CA12: variants seen among roughly 807,000 people sequenced by gnomAD.
The protein encoded by CA12 is carbonic anhydrase 12.
A neutral mutation model predicts 46.8 loss-of-function variants in CA12; 36 were observed. That is an observed-to-expected ratio of 0.77 (90% confidence interval 0.59 to 1.02). The LOEUF (loss-of-function observed/expected upper bound fraction) is 1.02. Among genes scored for constraint, CA12 ranks in the 50% least tolerant of loss-of-function variants. CA12 has a pLI of 0.00. For missense variants in CA12, 436 were observed against 451.4 expected, an observed-to-expected ratio of 0.97 and a Z score of 0.31; for synonymous variants, 202 against 187.0, an observed-to-expected ratio of 1.08 and a Z score of -0.65.
In CA12 at chr15:63,325,814, G is replaced by C. The variant is rs939320638; in HGVS notation, c.*471C>G. ...TGTCATAGCAGAAGGAAATCAGAGG[G>C]AGATGCCCCGTCTCCAGAGGAAAGA... On this transcript the variant is annotated 3_prime_UTR_variant, in exon 11 of 11. Transcript: ENST00000178638. This position sits in a 1 kb window ranked among gnomAD's most constrained non-coding sequence, Gnocchi z 4.9. 4.7e-6 allele frequency: 1 copy of C among 214,478 alleles called. No individual in the cohort carries two copies. Among genetic ancestry groups the C allele is most frequent in the African/African-American group, 2.3e-5 (1 of 44,290 alleles). 13.3% of individuals were successfully genotyped at this position (214,478 alleles called of 1,614,324 possible). A position where few individuals can be genotyped will look rare whatever the true frequency, so the allele number is the denominator to read the frequency against.
intron 3 of CA12, among the ~76,000 whole-genome samples, 158 bp downstream of exon 3, chr15:63,346,372 A>G (rs1235562687): frequency 6.6e-6 from 1 of 152,064 alleles, no homozygotes; most frequent in African/African-American, 2.4e-5. Context: ...TCCCCTGGAG[A>G]GAGTGCTCCT....
At chr15:63,377,287 C>T (rs939558454) in intron 1 of CA12, among the ~76,000 whole-genome samples, 1 of 152,072 alleles carries the variant, frequency 6.6e-6, no homozygotes, top group African/African-American at 2.4e-5. Context: ...CCCAGGGTCT[C>T]CGTGGTTCTC....
chr15:63,362,488 C>T (rs2039376184), intron 2 of CA12, among the ~76,000 whole-genome samples: 1 of 152,164 alleles, frequency 6.6e-6, no homozygotes, highest in South Asian at 2.1e-4. Flanking sequence ...GAGACGTGAC[C>T]AGCAGATAAG....
intron 2 of CA12, among the ~76,000 whole-genome samples, chr15:63,361,229 G>A (rs1388693466): frequency 1.3e-5 from 2 of 152,266 alleles, no homozygotes; most frequent in African/African-American, 2.4e-5. Context: ...CTGCTGCTTC[G>A]AGGTGAGATG....
At position 63,321,831 on chromosome 15, in the gene CA12, C is replaced by T. The variant is rs1448042179; in HGVS notation, c.*4454G>A. Reference sequence around the variant, plus strand: ...CCGACCGCGGGGACCTGGGGCACAGCCGGGCCCACTGCGGCGAGGCGAGGA... The same window carrying T: ...CCGACCGCGGGGACCTGGGGCACAGTCGGGCCCACTGCGGCGAGGCGAGGA... On this transcript the variant is annotated 3_prime_UTR_variant, in exon 11 of 11. Transcript: ENST00000178638. The surrounding 1 kb of genome is among the most constrained non-coding windows in gnomAD (Gnocchi z 4.5). 6.6e-6 allele frequency: 1 copy of T among 152,336 alleles called. No individual in the cohort carries two copies. Among genetic ancestry groups the T allele is most frequent in the Non-Finnish European group, 1.5e-5 (1 of 68,098 alleles). 9.4% of individuals were successfully genotyped at this position (152,336 alleles called of 1,614,324 possible).
Position 63,348,134 on chromosome 15 carries a change from G to A in CA12, c.107-1425C>T, listed in dbSNP as rs775391893. Among the ~76,000 whole-genome samples the A allele has an allele frequency of 3.9e-5, 6 of 152,138 alleles. No individual in the cohort carries two copies. Among genetic ancestry groups the A allele is most frequent in the Non-Finnish European group, 4.4e-5 (3 of 68,038 alleles). On this transcript the variant is annotated intron_variant, in intron 2 of 10. Transcript: ENST00000178638. The surrounding 1 kb of genome is among the most constrained non-coding windows in gnomAD (Gnocchi z 4.6). ...ACTTCTAGGTCCGGACACACACATC[G>A]GAACCCTACTGATTTTTCAGGCTGT...
At position 63,329,895 on chromosome 15, in the gene CA12, C is replaced by T. The variant is rs143795614; in HGVS notation, c.875-1765G>A. Reference sequence around the variant, plus strand: ...AGGAGCCATCAGCCGTGTGCTTTTCCGATTGTCTTTTTCTGCAATCTCACA... The same window carrying T: ...AGGAGCCATCAGCCGTGTGCTTTTCTGATTGTCTTTTTCTGCAATCTCACA... On this transcript the variant is annotated intron_variant, in intron 8 of 10. Transcript: ENST00000178638. This position sits in a 1 kb window ranked among gnomAD's most constrained non-coding sequence, Gnocchi z 4.8. Among the ~76,000 whole-genome samples, 26 of 152,312 alleles carry T rather than the reference C, an allele frequency of 1.7e-4. No homozygotes were observed. Among genetic ancestry groups the T allele is most frequent in the Non-Finnish European group, 3.5e-4 (24 of 68,030 alleles).
chr15:63,366,039 G>T (rs956970760), intron 2 of CA12, among the ~76,000 whole-genome samples: 3 of 151,594 alleles, frequency 2.0e-5, no homozygotes, highest in Non-Finnish European at 4.4e-5. Flanking sequence ...TACTTGGGAG[G>T]CTGAGGCATG....
intron 3 of CA12, among the ~76,000 whole-genome samples, chr15:63,346,290 C>G (rs2039146496): frequency 6.6e-6 from 1 of 152,176 alleles, no homozygotes; most frequent in African/African-American, 2.4e-5. Flanking sequence ...GTCTCCTGCC[C>G]CATCCTGAGA....
chr15:63,369,547 C>T (rs1416555307), intron 2 of CA12, among the ~76,000 whole-genome samples: 2 of 152,182 alleles, frequency 1.3e-5, no homozygotes, highest in East Asian at 1.9e-4. Context: ...CTGGGCCCCG[C>T]CCCCCAGAGT....
intron 1 of CA12, chr15:63,379,042 A>G (rs187194025): frequency 6.6e-6 from 1 of 152,264 alleles, no homozygotes; most frequent in East Asian, 1.9e-4. Context: ...AGGCCTCAGC[A>G]TCACACTCTG....
chr15:63,371,466 A>T (rs1371128244), intron 2 of CA12, among the ~76,000 whole-genome samples: 1 of 152,154 alleles, frequency 6.6e-6, no homozygotes, highest in Non-Finnish European at 1.5e-5. Flanking sequence ...ATGTGCGGCC[A>T]CAGCCACAGC....
chr15:63,358,885 G>A (rs772798191), intron 2 of CA12, among the ~76,000 whole-genome samples: 6 of 152,012 alleles, frequency 3.9e-5, no homozygotes, highest in Admixed American at 2.0e-4. Flanking sequence ...CAGACTCTTC[G>A]GCCCTCGCAC....
At chr15:63,346,854 C>A (rs755498760) in intron 2 of CA12, 145 bp from the exon 3 acceptor site, 14 of 937,130 alleles carry the variant, frequency 1.5e-5, no homozygotes, top group Non-Finnish European at 2.3e-5. Flanking sequence ...AGAGTCTTGG[C>A]CTCCAGAATC....
At chr15:63,377,476 G>C (rs978562735) in intron 1 of CA12, among the ~76,000 whole-genome samples, 1 of 137,976 alleles carries the variant, frequency 7.2e-6, no homozygotes, top group African/African-American at 3.2e-5. Context: ...AGTGAACTTG[G>C]CTTTTTTTTT....
chr15:63,326,402 G>C lies in CA12; in HGVS notation c.993-45C>G, dbSNP rs778421143. 2.0e-6 allele frequency: 3 copies of C among 1,513,342 alleles called. No individual in the cohort carries two copies. In the East Asian group the frequency reaches 6.8e-5, roughly 34 times the overall value. 93.7% of individuals were successfully genotyped at this position (1,513,342 alleles called of 1,614,324 possible). The stretch of plus-strand genomic sequence containing the variant: ...TAACTCTTGTTAGAGAGGAGAGCGA[G>C]CGAGCCAGAGAGCAGCCTGACTCAG... On this transcript the variant is annotated intron_variant, in intron 10 of 10. Transcript: ENST00000178638.
intron 2 of CA12, among the ~76,000 whole-genome samples, chr15:63,365,795 G>A (rs2039428433): frequency 6.6e-6 from 1 of 152,156 alleles, no homozygotes; most frequent in Non-Finnish European, 1.5e-5. Context: ...CTGCAGCTGG[G>A]ATGATTCTCC....
At chr15:63,342,224 G>C in intron 4 of CA12, 127 bp from the exon 5 acceptor site, 1 of 707,870 alleles carries the variant, frequency 1.4e-6, no homozygotes, top group Non-Finnish European at 2.6e-6. Flanking sequence ...GACTAGGTTA[G>C]GTCTCTCAGA....
intron 2 of CA12, among the ~76,000 whole-genome samples, chr15:63,352,113 T>G (rs1433664071): frequency 6.6e-6 from 1 of 152,224 alleles, no homozygotes; most frequent in East Asian, 1.9e-4. Context: ...TGGAGTGCAG[T>G]GGTGCAATCT....
Sources: allele counts gnomAD v4.1 joint callset (sites outside exome capture counted in the v4.1 genomes callset), GRCh38; gene constraint gnomAD v4.1.1; non-coding constraint Gnocchi (gnomAD v3.1); transcripts MANE v1.5; gene names NCBI Gene and HGNC (gene_info 2026-07-23, HGNC 2026-07-21).